The following BMAL1 variants were observed in gnomAD, a reference collection of about 807,000 sequenced individuals.
BMAL1 encodes the protein basic helix-loop-helix ARNT-like protein 1.
the BMAL1 span, among the ~76,000 whole-genome samples, chr11:13,324,812 G>A: frequency 0.033 from 5,085 of 152,318 alleles, 293 homozygotes; most frequent in African/African-American, 0.12. Context: ...GCATGCAAGC[G>A]AAGACTTTGG....
At chr11:13,339,990 G>A in the BMAL1 span, among the ~76,000 whole-genome samples, 12 of 152,194 alleles carry the variant, frequency 7.9e-5, no homozygotes, top group African/African-American at 2.4e-4. Flanking sequence ...ATAAGTGATC[G>A]TGGGCCAGCA....
the BMAL1 span, among the ~76,000 whole-genome samples, chr11:13,383,885 G>T: frequency 1.3e-5 from 2 of 151,954 alleles, no homozygotes; most frequent in African/African-American, 4.8e-5. Flanking sequence ...AGGGAGTGAG[G>T]GAGGGAGGGA....
At chr11:13,348,049 C>T in the BMAL1 span, among the ~76,000 whole-genome samples, 2 of 152,094 alleles carry the variant, frequency 1.3e-5, no homozygotes, top group East Asian at 1.9e-4. Context: ...AGAGAATGGT[C>T]ACAGGGCGTG....
At chr11:13,278,926 T>A in the BMAL1 span, among the ~76,000 whole-genome samples, 3 of 152,124 alleles carry the variant, frequency 2.0e-5, no homozygotes, top group African/African-American at 7.2e-5. Context: ...GGGCGCATGT[T>A]AGCCTCCCCG....
the BMAL1 span, among the ~76,000 whole-genome samples, chr11:13,295,032 C>A: frequency 6.6e-6 from 1 of 152,152 alleles, no homozygotes; most frequent in Admixed American, 6.6e-5. Flanking sequence ...GAGAAGCAGT[C>A]AAGACTGCAG....
chr11:13,284,555 T>C, the BMAL1 span, among the ~76,000 whole-genome samples: 1 of 151,332 alleles, frequency 6.6e-6, no homozygotes, highest in African/African-American at 2.4e-5. Flanking sequence ...GCAGGATGGA[T>C]GGGAAGTTGG....
chr11:13,346,686 G>A, the BMAL1 span, among the ~76,000 whole-genome samples: 3 of 152,186 alleles, frequency 2.0e-5, no homozygotes, highest in African/African-American at 7.2e-5. Flanking sequence ...ATTCTTCCAA[G>A]GCATCTTGCG....
chr11:13,327,398 CT>C, the BMAL1 span, among the ~76,000 whole-genome samples: 3 of 152,148 alleles, frequency 2.0e-5, no homozygotes, highest in Admixed American at 2.0e-4. Context: ...CAGATTGAGT[CT>C]GTAGGTGAGG....
the BMAL1 span, among the ~76,000 whole-genome samples, chr11:13,373,534 A>AGTCT: frequency 6.6e-6 from 1 of 152,188 alleles, no homozygotes; most frequent in South Asian, 2.1e-4. Context: ...GACAGATCTC[A>AGTCT]GTCTGTCACC....
At chr11:13,361,210 ATC>A in the BMAL1 span, among the ~76,000 whole-genome samples, 1 of 152,146 alleles carries the variant, frequency 6.6e-6, no homozygotes, top group African/African-American at 2.4e-5. Flanking sequence ...GTCTTGCTAA[ATC>A]TCTGCTGGGA....
the BMAL1 span, among the ~76,000 whole-genome samples, chr11:13,370,725 C>T: frequency 1.3e-5 from 2 of 152,220 alleles, no homozygotes; most frequent in African/African-American, 2.4e-5. Flanking sequence ...TCCCCACCCC[C>T]AACACAGCAG....
the BMAL1 span, chr11:13,356,617 G>A: frequency 1.8e-6 from 2 of 1,097,974 alleles, no homozygotes; most frequent in Non-Finnish European, 2.6e-6. Context: ...AATTGATACT[G>A]TGGCTGTTCG....
the BMAL1 span, among the ~76,000 whole-genome samples, chr11:13,321,426 T>G: frequency 6.6e-6 from 1 of 152,200 alleles, no homozygotes; most frequent in African/African-American, 2.4e-5. Context: ...ATGAAGAAAC[T>G]GAGGCTTAGG....
the BMAL1 span, among the ~76,000 whole-genome samples, chr11:13,348,280 AGCAGATG>A: frequency 2.6e-5 from 4 of 152,146 alleles, no homozygotes; most frequent in Non-Finnish European, 4.4e-5. Context: ...GGCTTTGGGT[AGCAGATG>A]GGAGGGTTGG....
At chr11:13,293,778 T>A in the BMAL1 span, among the ~76,000 whole-genome samples, 1 of 152,236 alleles carries the variant, frequency 6.6e-6, no homozygotes, top group Non-Finnish European at 1.5e-5. Flanking sequence ...TTCCTCTGTG[T>A]AGGTAACCAA....
the BMAL1 span, among the ~76,000 whole-genome samples, chr11:13,278,982 G>T: frequency 5.9e-5 from 9 of 152,316 alleles, no homozygotes; most frequent in African/African-American, 2.2e-4. Flanking sequence ...GTGCCCGCCG[G>T]CAGGAGCTGG....
chr11:13,323,762 G>A, the BMAL1 span, among the ~76,000 whole-genome samples: 2 of 151,992 alleles, frequency 1.3e-5, no homozygotes, highest in East Asian at 3.9e-4. Flanking sequence ...GATTACAGTC[G>A]TGCGCTACCA....
chr11:13,338,819 G>T, the BMAL1 span, among the ~76,000 whole-genome samples: 1 of 152,262 alleles, frequency 6.6e-6, no homozygotes, highest in South Asian at 2.1e-4. Context: ...GACCAAAGGA[G>T]ACACGTCAGG....
chr11:13,315,097 A>G, the BMAL1 span, among the ~76,000 whole-genome samples: 3 of 152,332 alleles, frequency 2.0e-5, no homozygotes, highest in East Asian at 3.9e-4. Context: ...AATCTAGGAA[A>G]GCTTTTCAGA....
Sources: gnomAD v4.1 joint callset for allele counts (sites outside exome capture counted in the v4.1 genomes callset) on GRCh38, gnomAD v4.1.1 for gene constraint, MANE v1.5 for transcripts, NCBI Gene and HGNC (gene_info 2026-07-23, HGNC 2026-07-21) for gene names.